Variants in GUCY1A2 observed in about 807,000 individuals in gnomAD.
GUCY1A2 encodes guanylate cyclase soluble subunit alpha-2.
Under a neutral mutation model 63.5 loss-of-function variants are expected in GUCY1A2, and 27 were observed. The ratio of observed to expected loss-of-function variants is 0.43; its 90% CI spans 0.31 to 0.59. GUCY1A2 has a LOEUF of 0.59. Ranked by LOEUF, GUCY1A2 falls within the 20% of genes least tolerant of loss-of-function variation. The pLI is 0.11. For synonymous variants in GUCY1A2, 364 were observed against 343.5 expected (o/e 1.06, Z -0.66); for missense variants, 768 against 913.3 (o/e 0.84, Z 2.05).
intron 4 of GUCY1A2, among the ~76,000 whole-genome samples, chr11:106,881,186 A>C (rs906363732): frequency 1.3e-5 from 2 of 152,052 alleles, no homozygotes; most frequent in African/African-American, 4.8e-5. Context: ...TAAATGTTGG[A>C]AGTCCGTCCT....
chr11:106,803,482 C>T (rs1464917668), intron 5 of GUCY1A2, among the ~76,000 whole-genome samples: 3 of 151,996 alleles, frequency 2.0e-5, no homozygotes, highest in African/African-American at 4.8e-5. Context: ...TTCTAGTAAG[C>T]GTTGGATACA....
intron 5 of GUCY1A2, among the ~76,000 whole-genome samples, chr11:106,781,851 A>G (rs767534040): frequency 6.6e-6 from 1 of 152,104 alleles, no homozygotes; most frequent in Non-Finnish European, 1.5e-5. Context: ...TACAGGCATA[A>G]GCCACCACGC....
At chr11:106,963,619 A>C (rs1336118661) in intron 3 of GUCY1A2, among the ~76,000 whole-genome samples, 1 of 152,172 alleles carries the variant, frequency 6.6e-6, no homozygotes, top group East Asian at 1.9e-4. Flanking sequence ...TCACGTTATA[A>C]GGGAGACAGA....
At chr11:106,876,051 A>T (rs1333135769) in intron 4 of GUCY1A2, among the ~76,000 whole-genome samples, 2 of 152,056 alleles carry the variant, frequency 1.3e-5, no homozygotes, top group African/African-American at 2.4e-5. Context: ...TCCAGTTAAG[A>T]TGTACTTAAA....
intron 7 of GUCY1A2, among the ~76,000 whole-genome samples, chr11:106,703,590 G>A (rs1862854613): frequency 6.6e-6 from 1 of 152,122 alleles, no homozygotes; most frequent in African/African-American, 2.4e-5. Context: ...AGGCAAGAAA[G>A]CATGTTATCA....
intron 4 of GUCY1A2, among the ~76,000 whole-genome samples, chr11:106,833,802 T>C (rs1859082762): frequency 1.3e-5 from 2 of 152,040 alleles, no homozygotes; most frequent in African/African-American, 4.8e-5. Context: ...AATTCTCTAC[T>C]TTCCCTTCAA....
chr11:106,724,713 C>T (rs1256593173), intron 6 of GUCY1A2, among the ~76,000 whole-genome samples: 8 of 152,146 alleles, frequency 5.3e-5, no homozygotes, highest in Non-Finnish European at 7.3e-5. Context: ...TTGTTACTCT[C>T]GCAGCTTTCA....
At chr11:106,741,555 C>T (rs940340956) in intron 6 of GUCY1A2, among the ~76,000 whole-genome samples, 3 of 152,164 alleles carry the variant, frequency 2.0e-5, no homozygotes, top group Admixed American at 6.5e-5. Flanking sequence ...TATGGTATTA[C>T]ATTAGACACC....
chr11:106,769,225 T>C (rs941398812), intron 6 of GUCY1A2, among the ~76,000 whole-genome samples: 1 of 151,858 alleles, frequency 6.6e-6, no homozygotes, highest in Non-Finnish European at 1.5e-5. Context: ...ACTGCAGGAG[T>C]TCTGGAGACT....
intron 1 of GUCY1A2, among the ~76,000 whole-genome samples, chr11:106,986,415 T>A (rs1025749460): frequency 1.6e-4 from 24 of 152,144 alleles, no homozygotes; most frequent in African/African-American, 5.8e-4. Flanking sequence ...AAATACACAT[T>A]GGCTGCCTAC....
chr11:106,851,297 C>T (rs1859351866), intron 4 of GUCY1A2, among the ~76,000 whole-genome samples: 1 of 151,730 alleles, frequency 6.6e-6, no homozygotes. Context: ...TCCCGTTCTA[C>T]AGGTTGTCTC....
chr11:106,873,555 C>A (rs969952590), intron 4 of GUCY1A2, among the ~76,000 whole-genome samples: 1 of 152,070 alleles, frequency 6.6e-6, no homozygotes, highest in African/African-American at 2.4e-5. Flanking sequence ...TTCTTGGCCA[C>A]GTACATGTCT....
intron 6 of GUCY1A2, among the ~76,000 whole-genome samples, chr11:106,758,818 GA>G (rs1326239962): frequency 1.3e-5 from 2 of 152,186 alleles, no homozygotes; most frequent in Non-Finnish European, 2.9e-5. Flanking sequence ...CAAAGAAAAT[GA>G]CATTTTTGCA....
intron 4 of GUCY1A2, among the ~76,000 whole-genome samples, chr11:106,844,602 A>C (rs1354246095): frequency 6.6e-6 from 1 of 151,786 alleles, no homozygotes; most frequent in Non-Finnish European, 1.5e-5. Flanking sequence ...CTTGTGTCTC[A>C]CAATCAATAT....
intron 5 of GUCY1A2, among the ~76,000 whole-genome samples, chr11:106,800,440 T>C (rs1864853707): frequency 6.6e-6 from 1 of 152,122 alleles, no homozygotes; most frequent in Non-Finnish European, 1.5e-5. Context: ...CATGCACACA[T>C]ATGTTCATTG....
At chr11:106,831,772 C>T (rs924076770) in intron 4 of GUCY1A2, among the ~76,000 whole-genome samples, 2 of 152,128 alleles carry the variant, frequency 1.3e-5, no homozygotes, top group Non-Finnish European at 2.9e-5. Context: ...TAAATGTTTC[C>T]TGTTTTAAGG....
In GUCY1A2 at chr11:106,999,892, T is replaced by C. The variant is rs534891478; in HGVS notation, c.304-13761A>G. Among the ~76,000 whole-genome samples, 8 of 152,316 alleles carry C rather than the reference T, an allele frequency of 5.3e-5. No individual in the cohort carries two copies. The East Asian group carries it at 5.8e-4, about 11-fold the overall frequency. On this transcript the variant is annotated intron_variant, in intron 1 of 7. Coordinates refer to ENST00000526355, the MANE Select transcript of GUCY1A2 (RefSeq NM_000855.3). ...TTTCTAAACAGTCAAGAAAGCTAGA[T>C]TGATGGTAGAAAATTACATTTACAA...
intron 1 of GUCY1A2, among the ~76,000 whole-genome samples, chr11:107,013,307 G>A (rs190298170): frequency 4.0e-4 from 61 of 152,162 alleles, no homozygotes; most frequent in Non-Finnish European, 4.7e-4. Context: ...TATGACTCTA[G>A]TGGTGTATCT....
At chr11:106,870,292 G>A (rs942116030) in intron 4 of GUCY1A2, among the ~76,000 whole-genome samples, 12 of 151,796 alleles carry the variant, frequency 7.9e-5, no homozygotes, top group Admixed American at 7.2e-4. Flanking sequence ...CACCATAGCA[G>A]GTGCAACTTA....
Sources: gnomAD v4.1 joint callset for allele counts (sites outside exome capture counted in the v4.1 genomes callset) on GRCh38, gnomAD v4.1.1 for gene constraint, MANE v1.5 for transcripts, NCBI Gene and HGNC (gene_info 2026-07-23, HGNC 2026-07-21) for gene names.